The following TBC1D15 variants were observed in gnomAD, a reference collection of about 807,000 sequenced individuals.
The protein encoded by TBC1D15 is TBC1 domain family member 15, also known as GAP for RAB7.
A neutral mutation model predicts 95.4 loss-of-function variants in TBC1D15; 39 were observed. That is an observed-to-expected ratio of 0.41 (90% CI 0.32 to 0.53). TBC1D15 has a LOEUF of 0.53. Ranked by LOEUF, TBC1D15 falls within the 20% of genes least tolerant of loss-of-function variation. The pLI, the probability that TBC1D15 is intolerant of heterozygous loss-of-function variation, is 0.29. For synonymous variants in TBC1D15, 258 were observed against 261.3 expected (o/e 0.99, Z 0.12); for missense variants, 733 against 794.3 (o/e 0.92, Z 0.93).
At chr12:71,896,113 T>G (rs549271012) in intron 8 of TBC1D15, 38 bp downstream of exon 8, 21 of 1,528,708 alleles carry the variant, frequency 1.4e-5, no homozygotes, top group Non-Finnish European at 1.8e-5. Flanking sequence ...TCTTATAAAC[T>G]CCTAGTATTT....
intron 11 of TBC1D15, chr12:71,908,055 C>A (rs1356956929): frequency 6.6e-6 from 1 of 152,300 alleles, no homozygotes; most frequent in African/African-American, 2.4e-5. Context: ...CCTGTAATTC[C>A]AGCTACTCAG....
chr12:71,921,565 G>A lies in TBC1D15; in HGVS notation c.1803+111G>A, dbSNP rs988154078. On this transcript the variant is annotated intron_variant, in intron 16 of 16. Transcript: ENST00000485960. ...AGCAACTTTAGTAAGCTGAGGGCAG[G>A]CACAAAGTATTGGCTGGCTTTTTGT... 2.0e-5 allele frequency: 11 copies of A among 540,068 alleles called. No homozygotes were observed. In the Admixed American group the frequency reaches 2.6e-4, roughly 13 times the overall value. 33.5% of individuals were successfully genotyped at this position (540,068 alleles called of 1,614,324 possible). A position where few individuals can be genotyped will look rare whatever the true frequency, so the allele number is the denominator to read the frequency against.
At chr12:71,882,291 G>A (rs771027637) in intron 4 of TBC1D15, among the ~76,000 whole-genome samples, 17 of 152,102 alleles carry the variant, frequency 1.1e-4, no homozygotes, top group Non-Finnish European at 2.4e-4. Flanking sequence ...TACCAGACAA[G>A]TTAAATGTTT....
chr12:71,870,505 A>G (rs1329215136), intron 1 of TBC1D15, among the ~76,000 whole-genome samples: 2 of 152,200 alleles, frequency 1.3e-5, no homozygotes, highest in Non-Finnish European at 2.9e-5. Flanking sequence ...TGGTGATCTT[A>G]ATTACTTAAA....
At chr12:71,897,685 T>C (rs1436961538) in intron 9 of TBC1D15, among the ~76,000 whole-genome samples, 162 bp from the exon 10 acceptor site, 1 of 152,080 alleles carries the variant, frequency 6.6e-6, no homozygotes, top group Non-Finnish European at 1.5e-5. Context: ...TTGTTTTCAC[T>C]TATTTATCAT....
At chr12:71,917,452 A>G (rs180953808) in intron 12 of TBC1D15, among the ~76,000 whole-genome samples, 4 of 152,262 alleles carry the variant, frequency 2.6e-5, no homozygotes, top group Admixed American at 6.5e-5. Flanking sequence ...CTATGTCTGC[A>G]TTCTTCTTTA....
At chr12:71,920,908 T>C (rs1386405874) in intron 15 of TBC1D15, 61 bp downstream of exon 15, 11 of 1,170,618 alleles carry the variant, frequency 9.4e-6, no homozygotes, top group South Asian at 2.7e-5. Flanking sequence ...GGTCCTGATA[T>C]ACAGAACGTT....
At chr12:71,881,832 C>T (rs368963627) in intron 4 of TBC1D15, among the ~76,000 whole-genome samples, 138 of 149,258 alleles carry the variant, frequency 9.2e-4, no homozygotes, top group African/African-American at 3.1e-3. Context: ...GCAGGGGAAT[C>T]GCTTGAGCCT....
At chr12:71,917,008 A>G (rs2139059410) in intron 12 of TBC1D15, among the ~76,000 whole-genome samples, 1 of 152,334 alleles carries the variant, frequency 6.6e-6, no homozygotes, top group South Asian at 2.1e-4. Flanking sequence ...ACCTTAACAT[A>G]GATCACTTTT....
At chr12:71,913,742 A>G in intron 11 of TBC1D15, 84 bp from the exon 12 acceptor site, 1 of 841,110 alleles carries the variant, frequency 1.2e-6, no homozygotes, top group South Asian at 1.6e-5. Context: ...TACAATTTTA[A>G]GCGAAATGGT....
intron 1 of TBC1D15, among the ~76,000 whole-genome samples, chr12:71,843,003 C>A (rs1164486641): frequency 3.3e-5 from 5 of 151,674 alleles, no homozygotes; most frequent in Non-Finnish European, 5.9e-5. Context: ...TTGAAAATTA[C>A]TGGCCGGGCA....
Position 71,863,594 on chromosome 12 carries a change from G to T in TBC1D15, c.31-8476G>T, listed in dbSNP as rs150417158. On this transcript the variant is annotated intron_variant, in intron 1 of 16. Transcript: ENST00000485960. ...TTATATCTCTCTTCAGACTTGGGAA[G>T]TTTTCAGTTACTGTATTAAATAGGT... Among the ~76,000 whole-genome samples the T allele has an allele frequency of 9.0e-3, 1,375 of 152,218 alleles. 10 individuals carry two copies. The highest frequency in any genetic ancestry group is 0.037 in the Middle Eastern group (11 of 294).
At chr12:71,849,637 C>T (rs759831235) in intron 1 of TBC1D15, 7 of 583,552 alleles carry the variant, frequency 1.2e-5, no homozygotes, top group Admixed American at 2.3e-5. Context: ...TTGGAGACAT[C>T]GTCAGCTAGT....
chr12:71,839,777 G>A lies in TBC1D15; in HGVS notation c.-5G>A, dbSNP rs1348839731. 6.8e-6 allele frequency: 11 copies of A among 1,614,074 alleles called. No homozygotes were observed. Among genetic ancestry groups the A allele is most frequent in the Admixed American group, 5.0e-5 (3 of 60,002 alleles). The stretch of plus-strand genomic sequence containing the variant: ...CTACGTCATTACCAGGCACGCGCAG[G>A]AAACATGGCGGCGGCGGGTGTTGTG... On this transcript the variant is annotated 5_prime_UTR_variant, in exon 1 of 17. Coordinates refer to ENST00000485960, the MANE Select transcript of TBC1D15 (RefSeq NM_001146213.3).
intron 4 of TBC1D15, among the ~76,000 whole-genome samples, chr12:71,883,129 T>A (rs1228348222): frequency 2.0e-5 from 3 of 149,764 alleles, no homozygotes; most frequent in Non-Finnish European, 3.0e-5. Flanking sequence ...TCTTTCTTTT[T>A]TTCTTTTTTT....
At chr12:71,850,692 T>A (rs2137922660) in intron 1 of TBC1D15, among the ~76,000 whole-genome samples, 1 of 152,206 alleles carries the variant, frequency 6.6e-6, no homozygotes, top group Non-Finnish European at 1.5e-5. Flanking sequence ...CACATTGCTA[T>A]AAAGAAATAG....
chr12:71,903,891 A>T (rs1473082276), intron 10 of TBC1D15, among the ~76,000 whole-genome samples: 1 of 152,198 alleles, frequency 6.6e-6, no homozygotes. Context: ...TTGAAAAACT[A>T]CATATTGGGT....
chr12:71,857,490 A>C (rs1276335959), intron 1 of TBC1D15, among the ~76,000 whole-genome samples: 3 of 152,192 alleles, frequency 2.0e-5, no homozygotes, highest in Non-Finnish European at 4.4e-5. Flanking sequence ...TCAGGAATCA[A>C]TTCATGACAG....
In TBC1D15 at chr12:71,923,739, ATG is replaced by A. The variant is rs1870274033; in HGVS notation, c.*539_*540del. On this transcript the variant is annotated 3_prime_UTR_variant, in exon 17 of 17. Transcript: ENST00000485960. ...TGGACATTTTCATCAATGCAGTCTA[ATG>A]TGTAGATAAATATTTCAACCATAAT... The A allele has an allele frequency of 6.5e-6, 1 of 152,856 alleles. No individual in the cohort carries two copies. The highest frequency in any genetic ancestry group is 2.4e-5 in the African/African-American group (1 of 41,448). 9.5% of individuals were successfully genotyped at this position (152,856 alleles called of 1,614,324 possible). A position where few individuals can be genotyped will look rare whatever the true frequency, so the allele number is the denominator to read the frequency against.
Sources: allele counts gnomAD v4.1 joint callset (sites outside exome capture counted in the v4.1 genomes callset), GRCh38; gene constraint gnomAD v4.1.1; transcripts MANE v1.5; gene names NCBI Gene and HGNC (gene_info 2026-07-23, HGNC 2026-07-21).